TNFRSF21: variants seen among roughly 807,000 people sequenced by gnomAD.
TNFRSF21 encodes tumor necrosis factor receptor superfamily member 21.
TNFRSF21 carries 19 observed loss-of-function variants against 45.6 expected under a neutral mutation model. The ratio of observed to expected loss-of-function variants is 0.42; its 90% CI spans 0.29 to 0.61. The LOEUF is 0.61. TNFRSF21 is among the 20% of genes least tolerant of loss of function. The probability of loss-of-function intolerance (pLI) is 0.23; values close to 1 mark genes in which losing one functional copy is unlikely to be tolerated. For missense variants in TNFRSF21, 737 were observed against 851.5 expected (o/e 0.87, Z 1.67); for synonymous variants, 314 against 335.5 (o/e 0.94, Z 0.70).
intron 1 of TNFRSF21, among the ~76,000 whole-genome samples, chr6:47,303,221 C>A (rs747482012): frequency 2.6e-5 from 4 of 152,176 alleles, no homozygotes; most frequent in African/African-American, 4.8e-5. Context: ...AACAGAGCCA[C>A]ACAGCAGTAC....
intron 3 of TNFRSF21, among the ~76,000 whole-genome samples, chr6:47,262,137 A>T (rs973410211): frequency 6.6e-6 from 1 of 152,234 alleles, no homozygotes; most frequent in Admixed American, 6.5e-5. Context: ...ACTACTAAGA[A>T]AGAGAAAGAA....
chr6:47,301,259 T>C (rs1024017097), intron 1 of TNFRSF21, among the ~76,000 whole-genome samples: 2 of 152,242 alleles, frequency 1.3e-5, no homozygotes, highest in Non-Finnish European at 2.9e-5. Context: ...TTAACTGTTA[T>C]GTGTCAGGAC....
intron 4 of TNFRSF21, among the ~76,000 whole-genome samples, chr6:47,245,427 A>AGTGTGTGTGT (rs375623340): frequency 5.6e-5 from 8 of 142,188 alleles, no homozygotes; most frequent in African/African-American, 1.9e-4. Context: ...ACTAAGAAGA[A>AGTGTGTGTGT]GTGTGTGTGT....
intron 1 of TNFRSF21, among the ~76,000 whole-genome samples, chr6:47,296,291 C>A (rs556556856): frequency 1.3e-5 from 2 of 152,318 alleles, no homozygotes; most frequent in South Asian, 2.1e-4. Context: ...CACGCATAAA[C>A]AAAACCTATT....
chr6:47,309,430 C>A lies in TNFRSF21; in HGVS notation c.82G>T (p.Gly28Cys). 2 of 1,549,610 alleles carry A rather than the reference C, an allele frequency of 1.3e-6. No homozygotes were observed. The highest frequency in any genetic ancestry group is 1.4e-5 in the African/African-American group (1 of 70,858). Reference sequence around the variant, plus strand: ...CAAGCGCTCACCAGGAGAAGGGAGCCCGCGATCATCGTGGCTGTGGCTCGG... The same window carrying A: ...CAAGCGCTCACCAGGAGAAGGGAGCACGCGATCATCGTGGCTGTGGCTCGG... ...ARRATATMIA[G>C]SLLLLGFLST... Residue 28 changes from glycine (G) to cysteine (C), a missense_variant, in exon 1 of 6, where the codon GGC (glycine) becomes TGC (cysteine). Physicochemically the swap from Gly to Cys is radical, Grantham distance 159. Coordinates refer to ENST00000296861, the MANE Select transcript of TNFRSF21 (RefSeq NM_014452.5).
chr6:47,309,352 C>G (rs977719141), intron 1 of TNFRSF21, 64 bp downstream of exon 1: 2 of 1,489,052 alleles, frequency 1.3e-6, no homozygotes, highest in East Asian at 2.8e-5. Context: ...ACCCGCCCGG[C>G]TCCCGGAGAG....
At chr6:47,295,500 C>T (rs1401095088) in intron 1 of TNFRSF21, among the ~76,000 whole-genome samples, 1 of 152,076 alleles carries the variant, frequency 6.6e-6, no homozygotes, top group Non-Finnish European at 1.5e-5. Flanking sequence ...AGCCCGTTAC[C>T]GTAGAGATGA....
chr6:47,271,812 G>A (rs1762424384), intron 3 of TNFRSF21, among the ~76,000 whole-genome samples: 1 of 152,080 alleles, frequency 6.6e-6, no homozygotes, highest in African/African-American at 2.4e-5. Flanking sequence ...ATAAGGGGAT[G>A]GAGGAAGATC....
chr6:47,255,459 GT>G (rs569910724), intron 3 of TNFRSF21, among the ~76,000 whole-genome samples: 13 of 146,300 alleles, frequency 8.9e-5, no homozygotes, highest in East Asian at 2.0e-4. Flanking sequence ...CATGTCTTTG[GT>G]TTTTTTTTTT....
At position 47,297,014 on chromosome 6, in the gene TNFRSF21, C is replaced by A. The variant is rs545593724; in HGVS notation, c.97-10419G>T. 2.0e-5 allele frequency among the ~76,000 whole-genome samples: 3 copies of A among 152,284 alleles called. No individual in the cohort carries two copies. The South Asian group carries it at 6.2e-4, about 32-fold the overall frequency. On this transcript the variant is annotated intron_variant, in intron 1 of 5. Coordinates refer to ENST00000296861, the MANE Select transcript of TNFRSF21 (RefSeq NM_014452.5). ...GCCGAAGCACAGGCAAAATAACCTGCGGCTTATGCTTGACATCAGATATTG... is the reference window on the plus strand; with the variant it reads ...GCCGAAGCACAGGCAAAATAACCTGAGGCTTATGCTTGACATCAGATATTG...
chr6:47,306,159 G>C (rs2113872418), intron 1 of TNFRSF21, among the ~76,000 whole-genome samples: 1 of 152,300 alleles, frequency 6.6e-6, no homozygotes, highest in East Asian at 1.9e-4. Context: ...TTTGAACCCA[G>C]CTCTTGTCTT....
chr6:47,255,618 C>T (rs1764974770), intron 3 of TNFRSF21, among the ~76,000 whole-genome samples: 1 of 152,102 alleles, frequency 6.6e-6, no homozygotes, highest in African/African-American at 2.4e-5. Context: ...CCCACCACCA[C>T]ACCCAGCTAA....
chr6:47,258,916 A>G (rs987968581), intron 3 of TNFRSF21, among the ~76,000 whole-genome samples: 8 of 152,170 alleles, frequency 5.3e-5, no homozygotes, highest in African/African-American at 1.9e-4. Flanking sequence ...CAACACCACA[A>G]ATGAATGTGG....
intron 3 of TNFRSF21, among the ~76,000 whole-genome samples, chr6:47,261,044 T>C (rs975632238): frequency 5.3e-5 from 8 of 152,140 alleles, no homozygotes; most frequent in Admixed American, 2.6e-4. Flanking sequence ...TCCTGAGATG[T>C]ACACATGGAA....
chr6:47,249,154 C>T (rs1764865347), intron 4 of TNFRSF21, among the ~76,000 whole-genome samples: 1 of 152,204 alleles, frequency 6.6e-6, no homozygotes, highest in African/African-American at 2.4e-5. Flanking sequence ...GGATTTACTC[C>T]TTCAGATTAT....
In TNFRSF21 at chr6:47,288,111, T is replaced by C. The variant is rs529753764; in HGVS notation, c.97-1516A>G. On this transcript the variant is annotated intron_variant, in intron 1 of 5. Transcript: ENST00000296861. Reference sequence around the variant, plus strand: ...ACCAGAAGGTATGCAACAACGCTTATAGCAAAACTATTTAAAACATTCCCA... The same window carrying C: ...ACCAGAAGGTATGCAACAACGCTTACAGCAAAACTATTTAAAACATTCCCA... Among the ~76,000 whole-genome samples, 27 of 152,386 alleles carry C rather than the reference T, an allele frequency of 1.8e-4. No individual in the cohort carries two copies. The South Asian group carries it at 5.2e-3, about 29-fold the overall frequency.
At chr6:47,283,433 A>G (rs913805765) in intron 3 of TNFRSF21, among the ~76,000 whole-genome samples, 58 of 152,210 alleles carry the variant, frequency 3.8e-4, no homozygotes, top group Admixed American at 9.2e-4. Context: ...TATGTGACGA[A>G]ATTGTTAGGA....
intron 3 of TNFRSF21, among the ~76,000 whole-genome samples, chr6:47,277,974 C>T (rs776413988): frequency 5.3e-5 from 8 of 152,162 alleles, no homozygotes; most frequent in South Asian, 2.1e-4. Context: ...ACACGAGCAC[C>T]TAAGCATTTA....
rs141520889 is a variant in TNFRSF21 at position 47,290,450 on chromosome 6, C to T, written c.97-3855G>A. Among the ~76,000 whole-genome samples, 642 of 152,140 alleles carry T rather than the reference C, an allele frequency of 4.2e-3. 2 individuals are homozygous for T. Among genetic ancestry groups the T allele is most frequent in the African/African-American group, 0.014 (591 of 41,486 alleles). ...TTCCTACAGCTTTCTATACTTCCCC[C>T]GAAATATGCACTTCTAAATCTAAAG... is the stretch of plus-strand genomic sequence containing the variant. On this transcript the variant is annotated intron_variant, in intron 1 of 5. Coordinates refer to ENST00000296861, the MANE Select transcript of TNFRSF21 (RefSeq NM_014452.5).
Sources: gnomAD v4.1 joint callset for allele counts (sites outside exome capture counted in the v4.1 genomes callset) on GRCh38, gnomAD v4.1.1 for gene constraint, MANE v1.5 for transcripts, NCBI Gene and HGNC (gene_info 2026-07-23, HGNC 2026-07-21) for gene names.